The following PLCG1 variants were observed in gnomAD, a reference collection of about 807,000 sequenced individuals.
The protein encoded by PLCG1 is phospholipase C gamma 1, also known as 1-phosphatidylinositol 4,5-bisphosphate phosphodiesterase gamma-1.
A neutral mutation model predicts 177.8 loss-of-function variants in PLCG1; 71 were observed. The ratio of observed to expected loss-of-function variants is 0.40; its 90% confidence interval spans 0.33 to 0.49. The LOEUF (loss-of-function observed/expected upper bound fraction) is 0.49. Among genes scored for constraint, PLCG1 ranks in the 20% least tolerant of loss-of-function variants. The pLI is 0.72. For missense variants in PLCG1, 1,281 were observed against 1,709.0 expected (o/e 0.75, Z 4.42); for synonymous variants, 658 against 647.9 (o/e 1.02, Z -0.24).
In PLCG1 at chr20:41,166,451, C is replaced by T. The variant is rs371160897; in HGVS notation, c.2001-25C>T. The T allele has an allele frequency of 3.1e-5, 50 of 1,613,842 alleles. No homozygotes were observed. The highest frequency in any genetic ancestry group is 4.0e-5 in the African/African-American group (3 of 75,022). On this transcript the variant is annotated intron_variant, in intron 17 of 31. Coordinates refer to ENST00000685551, the MANE Select transcript of PLCG1 (RefSeq NM_002660.3). The surrounding 1 kb of genome is among the most constrained non-coding windows in gnomAD (Gnocchi z 8.6). ...GGGCAGGGCCATGGGTGGTGCTGGCCGGGCCTGACTCTGCCTGTTCTCAGG... is the reference window on the plus strand; with the variant it reads ...GGGCAGGGCCATGGGTGGTGCTGGCTGGGCCTGACTCTGCCTGTTCTCAGG...
At position 41,150,773 on chromosome 20, in the gene PLCG1, C is replaced by T. The variant is rs530618844; in HGVS notation, c.218-8833C>T. On this transcript the variant is annotated intron_variant, in intron 1 of 31. Coordinates refer to ENST00000685551, the MANE Select transcript of PLCG1 (RefSeq NM_002660.3). The surrounding 1 kb of genome is among the most constrained non-coding windows in gnomAD (Gnocchi z 4.0). ...ACCCCTCTGCCCAATGTGTGCTTGT[C>T]AGCCCTCCAGACCTGGCTTTTACAG... is the stretch of plus-strand genomic sequence containing the variant. 2.6e-5 allele frequency among the ~76,000 whole-genome samples: 4 copies of T among 152,318 alleles called. No individual in the cohort carries two copies. In the South Asian group the frequency reaches 6.2e-4, roughly 24 times the overall value.
At chr20:41,145,218 G>A (rs935274199) in intron 1 of PLCG1, among the ~76,000 whole-genome samples, 12 of 152,254 alleles carry the variant, frequency 7.9e-5, no homozygotes, top group Non-Finnish European at 2.9e-5. Flanking sequence ...CACCGTCCCT[G>A]GAGAGTGGCC....
In PLCG1 at chr20:41,159,792, A is replaced by G. The variant is rs1600654319; in HGVS notation, c.370+34A>G. On this transcript the variant is annotated intron_variant, in intron 2 of 31. Transcript: ENST00000685551. The surrounding 1 kb of genome is among the most constrained non-coding windows in gnomAD (Gnocchi z 6.0). ...TAAGGGGGTAGAGGAGGTAGAGGAT[A>G]GTTAGGGGAATGCCTGCTGGCTCCT... 4 of 1,614,026 alleles carry G rather than the reference A, an allele frequency of 2.5e-6. No homozygotes were observed. The Admixed American group carries it at 6.7e-5, about 27-fold the overall frequency.
In PLCG1 at chr20:41,160,034, T is replaced by C; in HGVS notation, c.464+71T>C. ...CAGGGGGACAGGGACAGCAGACCTTTGTGTGCCCAGACATCTCCCAGGCCT... is the reference window on the plus strand; with the variant it reads ...CAGGGGGACAGGGACAGCAGACCTTCGTGTGCCCAGACATCTCCCAGGCCT... On this transcript the variant is annotated intron_variant, in intron 3 of 31. Coordinates refer to ENST00000685551, the MANE Select transcript of PLCG1 (RefSeq NM_002660.3). This position sits in a 1 kb window ranked among gnomAD's most constrained non-coding sequence, Gnocchi z 5.5. 7.5e-6 allele frequency: 12 copies of C among 1,600,408 alleles called. No individual in the cohort carries two copies. Among genetic ancestry groups the C allele is most frequent in the Non-Finnish European group, 1.0e-5 (12 of 1,167,542 alleles).
chr20:41,170,478 T>G, intron 24 of PLCG1: 1 of 562,770 alleles, frequency 1.8e-6, no homozygotes, highest in Non-Finnish European at 3.2e-6. Flanking sequence ...GAGTTTGAGA[T>G]ACTGATGGGT....
Position 41,166,439 on chromosome 20 carries a change from G to A in PLCG1, c.2001-37G>A. On this transcript the variant is annotated intron_variant, in intron 17 of 31. Transcript: ENST00000685551. This position sits in a 1 kb window ranked among gnomAD's most constrained non-coding sequence, Gnocchi z 8.6. Reference sequence around the variant, plus strand: ...GCGGACAAGGCAGGGCAGGGCCATGGGTGGTGCTGGCCGGGCCTGACTCTG... The same window carrying A: ...GCGGACAAGGCAGGGCAGGGCCATGAGTGGTGCTGGCCGGGCCTGACTCTG... 1 of 1,613,970 alleles carries A rather than the reference G, an allele frequency of 6.2e-7. No homozygotes were observed. The highest frequency in any genetic ancestry group is 1.7e-5 in the Admixed American group (1 of 60,036).
At position 41,166,018 on chromosome 20, in the gene PLCG1, GT is replaced by G. The variant is rs1399365506; in HGVS notation, c.1800-174del. On this transcript the variant is annotated intron_variant, in intron 16 of 31. Coordinates refer to ENST00000685551, the MANE Select transcript of PLCG1 (RefSeq NM_002660.3). The surrounding 1 kb of genome is among the most constrained non-coding windows in gnomAD (Gnocchi z 8.6). The stretch of plus-strand genomic sequence containing the variant: ...CCCCCCCCATACCCCTCCCTTTTCG[GT>G]TCATTTGAAGCCCACACCTTTGGTT... Among the ~76,000 whole-genome samples the G allele has an allele frequency of 6.7e-6, 1 of 148,250 alleles. No individual in the cohort carries two copies.
At chr20:41,158,081 C>T (rs1399969772) in intron 1 of PLCG1, among the ~76,000 whole-genome samples, 1 of 152,096 alleles carries the variant, frequency 6.6e-6, no homozygotes, top group Non-Finnish European at 1.5e-5. Flanking sequence ...CAGGTGGTTC[C>T]AGGTAGAACC....
chr20:41,174,220 G>A lies in PLCG1; in HGVS notation c.3742G>A (p.Gly1248Ser), dbSNP rs1433183455. 4 of 1,614,084 alleles carry A rather than the reference G, an allele frequency of 2.5e-6. 1 individual carries two copies. The highest frequency in any genetic ancestry group is 2.2e-5 in the South Asian group (2 of 91,092). ...GQLFHGRARE[G>S]SFESRYQQPF... ...GCTGTTTCATGGCCGAGCCCGGGAA[G>A]GCTCCTTTGAATCCCGCTACCAGCA... The change falls in exon 31 of 32, where the codon GGC becomes AGC. Residue 1248 changes from glycine (G) to serine (S), a missense_variant. By Grantham distance (56) the Gly-to-Ser change is moderately conservative. Transcript: ENST00000685551. This position sits in a 1 kb window ranked among gnomAD's most constrained non-coding sequence, Gnocchi z 5.8.
chr20:41,137,986 C>G lies in PLCG1; in HGVS notation c.217+128C>G, dbSNP rs2034656015. Reference sequence around the variant, plus strand: ...ACTTTCGGGCCCTCCCAGACTCCCTCCGGGCCCCGCCCCCGCTTCGTCTCG... The same window carrying G: ...ACTTTCGGGCCCTCCCAGACTCCCTGCGGGCCCCGCCCCCGCTTCGTCTCG... On this transcript the variant is annotated intron_variant, in intron 1 of 31. Coordinates refer to ENST00000685551, the MANE Select transcript of PLCG1 (RefSeq NM_002660.3). The surrounding 1 kb of genome is among the most constrained non-coding windows in gnomAD (Gnocchi z 7.3). 5.4e-6 allele frequency: 3 copies of G among 560,496 alleles called. No homozygotes were observed. The highest frequency in any genetic ancestry group is 8.0e-6 in the Non-Finnish European group (3 of 373,338). The allele number at this position is 560,496 out of a possible 1,614,324, so 34.7% of individuals were successfully genotyped here. A position where few individuals can be genotyped will look rare whatever the true frequency, so the allele number is the denominator to read the frequency against.
Position 41,153,583 on chromosome 20 carries a change from A to G in PLCG1, c.218-6023A>G, listed in dbSNP as rs1029378497. Among the ~76,000 whole-genome samples the G allele has an allele frequency of 3.3e-5, 5 of 152,190 alleles. No individual in the cohort carries two copies. The highest frequency in any genetic ancestry group is 1.2e-4 in the African/African-American group (5 of 41,452). On this transcript the variant is annotated intron_variant, in intron 1 of 31. Transcript: ENST00000685551. The surrounding 1 kb of genome is among the most constrained non-coding windows in gnomAD (Gnocchi z 5.1). The stretch of plus-strand genomic sequence containing the variant: ...TAAAGTGAGCGTATGCACTTTATAA[A>G]GGGAAAACCCTCTCTGAAGAGAAAT...
chr20:41,165,058 G>A lies in PLCG1; in HGVS notation c.1343G>A (p.Gly448Glu). The A allele has an allele frequency of 6.2e-7, 1 of 1,606,510 alleles. No homozygotes were observed. Among genetic ancestry groups the A allele is most frequent in the Non-Finnish European group, 8.5e-7 (1 of 1,176,656 alleles). The stretch of plus-strand genomic sequence containing the variant: ...AAGCCCGTGGAGATCTCTGCCGACG[G>A]GCTCCCCTCACCCAACCAGCTTAAG... ...LTKPVEISAD[G>E]LPSPNQLKRK... Residue 448 changes from glycine (G) to glutamate (E), a missense_variant, in exon 13 of 32, where the codon GGG (glycine) becomes GAG (glutamate). Physicochemically the swap from Gly to Glu is moderately conservative, Grantham distance 98. Coordinates refer to ENST00000685551, the MANE Select transcript of PLCG1 (RefSeq NM_002660.3). This position sits in a 1 kb window ranked among gnomAD's most constrained non-coding sequence, Gnocchi z 6.6.
Position 41,166,468 on chromosome 20 carries a change from G to C in PLCG1, c.2001-8G>C. On this transcript the variant is annotated splice_region_variant and splice_polypyrimidine_tract_variant and intron_variant, in intron 17 of 31. Coordinates refer to ENST00000685551, the MANE Select transcript of PLCG1 (RefSeq NM_002660.3). The surrounding 1 kb of genome is among the most constrained non-coding windows in gnomAD (Gnocchi z 8.6). The stretch of plus-strand genomic sequence containing the variant: ...GTGCTGGCCGGGCCTGACTCTGCCT[G>C]TTCTCAGGTGGTACCACGCGAGCCT... The C allele has an allele frequency of 1.9e-6, 3 of 1,614,034 alleles. No homozygotes were observed. Among genetic ancestry groups the C allele is most frequent in the Non-Finnish European group, 2.5e-6 (3 of 1,180,026 alleles).
chr20:41,149,155 A>T (rs1293156754), intron 1 of PLCG1, among the ~76,000 whole-genome samples: 1 of 152,212 alleles, frequency 6.6e-6, no homozygotes, highest in African/African-American at 2.4e-5. Context: ...CAGCAGAGGT[A>T]GTAACTACTT....
chr20:41,140,497 C>T (rs765800689), intron 1 of PLCG1, among the ~76,000 whole-genome samples: 19 of 152,314 alleles, frequency 1.2e-4, no homozygotes, highest in Non-Finnish European at 2.5e-4. Flanking sequence ...AAGAGAGAGA[C>T]ACTGTGCTAC....
chr20:41,165,800 C>T lies in PLCG1; in HGVS notation c.1773C>T (p.Phe591=), dbSNP rs1170011641. Residue 591 remains phenylalanine (F), a synonymous_variant, in exon 16 of 32, where the codon TTC becomes TTT. Coordinates refer to ENST00000685551, the MANE Select transcript of PLCG1 (RefSeq NM_002660.3). This position sits in a 1 kb window ranked among gnomAD's most constrained non-coding sequence, Gnocchi z 6.6. ...TCCTCGTGCGAGAGAGTGAGACCTT[C>T]GTGGGCGACTACACGCTCTCTTTCT... ...GSFLVRESET[F]VGDYTLSFWR... 17 of 1,595,052 alleles carry T rather than the reference C, an allele frequency of 1.1e-5. No individual in the cohort carries two copies. Among genetic ancestry groups the T allele is most frequent in the East Asian group, 4.5e-5 (2 of 44,464 alleles).
At position 41,137,579 on chromosome 20, in the gene PLCG1, C is replaced by G; in HGVS notation, c.-63C>G. ...CAGCCTCAGCCCCAACCTCAGCCGC[C>G]GCCGTTGCGCTTGCTCCCGGGCGGT... On this transcript the variant is annotated 5_prime_UTR_variant, in exon 1 of 32. Transcript: ENST00000685551. This position sits in a 1 kb window ranked among gnomAD's most constrained non-coding sequence, Gnocchi z 7.3. 1 of 1,037,916 alleles carries G rather than the reference C, an allele frequency of 9.6e-7. No homozygotes were observed. Among genetic ancestry groups the G allele is most frequent in the Non-Finnish European group, 1.2e-6 (1 of 805,560 alleles). The allele number at this position is 1,037,916 out of a possible 1,614,324, so 64.3% of individuals were successfully genotyped here. A position where few individuals can be genotyped will look rare whatever the true frequency, so the allele number is the denominator to read the frequency against.
Position 41,160,235 on chromosome 20 carries a change from G to T in PLCG1, c.512+82G>T, listed in dbSNP as rs779262828. 8.3e-6 allele frequency: 11 copies of T among 1,322,972 alleles called. No individual in the cohort carries two copies. Among genetic ancestry groups the T allele is most frequent in the Non-Finnish European group, 1.2e-5 (11 of 921,324 alleles). The allele number at this position is 1,322,972 out of a possible 1,614,324, so 82.0% of individuals were successfully genotyped here. On this transcript the variant is annotated intron_variant, in intron 4 of 31. Transcript: ENST00000685551. The surrounding 1 kb of genome is among the most constrained non-coding windows in gnomAD (Gnocchi z 5.5). ...TAGCCAGGCCTCTAAGTAGCTGCCC[G>T]GAGAGCCAGAGGACCCAGGGGACCT... is the stretch of plus-strand genomic sequence containing the variant.
In PLCG1 at chr20:41,167,708, G is replaced by A. The variant is rs561486422; in HGVS notation, c.2302-144G>A. On this transcript the variant is annotated intron_variant, in intron 19 of 31. Coordinates refer to ENST00000685551, the MANE Select transcript of PLCG1 (RefSeq NM_002660.3). This position sits in a 1 kb window ranked among gnomAD's most constrained non-coding sequence, Gnocchi z 4.4. ...GGCCGGGCCTGAGGCCTCTGAAGCC[G>A]TCTCTACTGAGGTCGAAGGATCCCT... 1.8e-3 allele frequency: 1,166 copies of A among 645,412 alleles called. 4 individuals are homozygous for A. Among genetic ancestry groups the A allele is most frequent in the Non-Finnish European group, 2.0e-3 (699 of 356,598 alleles). 40.0% of individuals were successfully genotyped at this position (645,412 alleles called of 1,614,324 possible).
Sources: gnomAD v4.1 joint callset for allele counts (sites outside exome capture counted in the v4.1 genomes callset) on GRCh38, gnomAD v4.1.1 for gene constraint, Gnocchi (gnomAD v3.1) non-coding constraint, MANE v1.5 for transcripts, NCBI Gene and HGNC (gene_info 2026-07-23, HGNC 2026-07-21) for gene names.